The following SEMA6D variants were observed in gnomAD, a reference collection of about 807,000 sequenced individuals.
The protein encoded by SEMA6D is semaphorin-6D.
A neutral mutation model predicts 106.6 loss-of-function variants in SEMA6D; 35 were observed. The ratio of observed to expected loss-of-function variants is 0.33; its 90% confidence interval spans 0.25 to 0.44. SEMA6D has a LOEUF of 0.44. Ranked by LOEUF, SEMA6D falls within the 20% of genes least tolerant of loss-of-function variation. SEMA6D has a pLI of 1.00. For synonymous variants in SEMA6D, 499 were observed against 487.7 expected (o/e 1.02, Z -0.31); for missense variants, 1,185 against 1,345.9 (o/e 0.88, Z 1.87).
In SEMA6D at chr15:47,642,665, C is replaced by A. The variant is rs969481116; in HGVS notation, c.-55+41769C>A. Among the ~76,000 whole-genome samples, 5 of 151,946 alleles carry A rather than the reference C, an allele frequency of 3.3e-5. No individual in the cohort carries two copies. In the East Asian group the frequency reaches 9.7e-4, roughly 29 times the overall value. On this transcript the variant is annotated intron_variant, in intron 4 of 19. Transcript: ENST00000558014. ...AGCCGGGAGTCTGTGAGAGAGAGCA[C>A]AAAGGGAATGATGTTGTGGAGCAGC... is the stretch of plus-strand genomic sequence containing the variant.
chr15:47,344,976 C>T (rs926430082), intron 1 of SEMA6D, among the ~76,000 whole-genome samples: 20 of 151,998 alleles, frequency 1.3e-4, no homozygotes, highest in African/African-American at 4.3e-4. Context: ...ATGTGCACTT[C>T]GGAATAAAGC....
chr15:47,750,828 T>C (rs565166019), intron 1 of SEMA6D, among the ~76,000 whole-genome samples: 1 of 152,330 alleles, frequency 6.6e-6, no homozygotes, highest in Admixed American at 6.5e-5. Flanking sequence ...AGAGAGGATG[T>C]ATTTATTTGT....
At chr15:47,318,332 A>G (rs2036774240) in intron 1 of SEMA6D, among the ~76,000 whole-genome samples, 1 of 143,348 alleles carries the variant, frequency 7.0e-6, no homozygotes, top group Non-Finnish European at 1.5e-5. Flanking sequence ...TTAGTTACAT[A>G]TGTATACATG....
At chr15:47,350,604 A>T (rs1335378456) in intron 1 of SEMA6D, among the ~76,000 whole-genome samples, 7 of 152,202 alleles carry the variant, frequency 4.6e-5, no homozygotes, top group Non-Finnish European at 1.0e-4. Context: ...CGGAGGAGAC[A>T]AAAATCCAGA....
intron 1 of SEMA6D, among the ~76,000 whole-genome samples, chr15:47,408,301 G>A (rs969431801): frequency 2.6e-5 from 4 of 152,154 alleles, no homozygotes; most frequent in East Asian, 3.9e-4. Flanking sequence ...GCATAATAAT[G>A]TATCTACTGA....
At chr15:47,395,497 T>A (rs1013297059) in intron 1 of SEMA6D, 3 of 152,196 alleles carry the variant, frequency 2.0e-5, no homozygotes, top group Admixed American at 1.3e-4. Context: ...CTTCGTTAAT[T>A]ATTGAGTGGT....
chr15:47,522,168 C>T (rs1006716495), intron 3 of SEMA6D, among the ~76,000 whole-genome samples: 4 of 152,220 alleles, frequency 2.6e-5, no homozygotes, highest in Non-Finnish European at 5.9e-5. Context: ...AGAACCAGGA[C>T]ATTCCATGCA....
chr15:47,530,175 G>C (rs756560253), intron 3 of SEMA6D, among the ~76,000 whole-genome samples: 3 of 152,232 alleles, frequency 2.0e-5, no homozygotes, highest in Non-Finnish European at 2.9e-5. Context: ...AACAGGAGAA[G>C]CTATTTGCTT....
intron 1 of SEMA6D, among the ~76,000 whole-genome samples, chr15:47,297,553 C>T (rs751317235): frequency 2.6e-5 from 4 of 152,162 alleles, no homozygotes; most frequent in African/African-American, 4.8e-5. Flanking sequence ...TTTACTCATT[C>T]GTTGAATACT....
At chr15:47,476,462 G>C (rs936189967) in intron 3 of SEMA6D, among the ~76,000 whole-genome samples, 1 of 152,130 alleles carries the variant, frequency 6.6e-6, no homozygotes, top group Non-Finnish European at 1.5e-5. Context: ...GAAACCAATG[G>C]TGGAGCTTAG....
intron 3 of SEMA6D, among the ~76,000 whole-genome samples, chr15:47,516,612 A>C (rs1350192703): frequency 6.6e-6 from 1 of 152,198 alleles, no homozygotes; most frequent in Non-Finnish European, 1.5e-5. Context: ...CAGGCAACTA[A>C]GGGACAGAAA....
intron 1 of SEMA6D, among the ~76,000 whole-genome samples, chr15:47,410,482 G>A (rs1194590324): frequency 6.6e-6 from 1 of 152,186 alleles, no homozygotes; most frequent in African/African-American, 2.4e-5. Flanking sequence ...TATAGCTGTT[G>A]TTCCTCTTAC....
chr15:47,713,077 AT>A (rs1424773354), upstream of SEMA6D, among the ~76,000 whole-genome samples: 8 of 152,140 alleles, frequency 5.3e-5, no homozygotes, highest in African/African-American at 7.2e-5. Context: ...GAAAAACAAT[AT>A]TTTTTTAAAG....
At chr15:47,667,006 C>T (rs73392859) in intron 4 of SEMA6D, among the ~76,000 whole-genome samples, 6,070 of 152,108 alleles carry the variant, frequency 0.04, 392 homozygotes, top group African/African-American at 0.14. Flanking sequence ...TGGAGTCACA[C>T]GAGCCCACCC....
At chr15:47,558,113 A>G (rs2045968024) in intron 3 of SEMA6D, among the ~76,000 whole-genome samples, 1 of 152,112 alleles carries the variant, frequency 6.6e-6, no homozygotes, top group Non-Finnish European at 1.5e-5. Context: ...CAATGATCCC[A>G]TATGAAAAGG....
intron 1 of SEMA6D, among the ~76,000 whole-genome samples, chr15:47,249,661 C>T (rs904614963): frequency 2.6e-5 from 4 of 152,004 alleles, no homozygotes; most frequent in Admixed American, 2.6e-4. Context: ...GTGAAGGAAC[C>T]AGAGAAAGGA....
chr15:47,403,439 G>A (rs929940817), intron 1 of SEMA6D, among the ~76,000 whole-genome samples: 5 of 152,204 alleles, frequency 3.3e-5, no homozygotes, highest in South Asian at 4.2e-4. Context: ...AATTTAGTGC[G>A]GGTCAATAAA....
Position 47,655,992 on chromosome 15 carries a change from G to A in SEMA6D, c.-55+55096G>A, listed in dbSNP as rs534697364. On this transcript the variant is annotated intron_variant, in intron 4 of 19. Coordinates refer to the SEMA6D transcript ENST00000558014. ...TTCAGCTCTAATACTGTAAACACATGTCCTTTCAACAGTTTATTTAATGCC... is the reference window on the plus strand; with the variant it reads ...TTCAGCTCTAATACTGTAAACACATATCCTTTCAACAGTTTATTTAATGCC... Among the ~76,000 whole-genome samples, 268 of 152,320 alleles carry A rather than the reference G, an allele frequency of 1.8e-3. 11 individuals carry two copies. The South Asian group carries it at 0.053, about 30-fold the overall frequency.
chr15:47,504,746 T>C (rs1160876228), intron 3 of SEMA6D, among the ~76,000 whole-genome samples: 6 of 152,114 alleles, frequency 3.9e-5, no homozygotes, highest in Non-Finnish European at 8.8e-5. Context: ...CATGTGAGCA[T>C]GCAAGTGTGT....
Sources: gnomAD v4.1 joint callset for allele counts (sites outside exome capture counted in the v4.1 genomes callset) on GRCh38, gnomAD v4.1.1 for gene constraint, MANE v1.5 for transcripts, NCBI Gene and HGNC (gene_info 2026-07-23, HGNC 2026-07-21) for gene names.